CACNB4: variants seen among roughly 807,000 people sequenced by gnomAD.
The protein encoded by CACNB4 is voltage-dependent L-type calcium channel subunit beta-4.
A neutral mutation model predicts 71.2 loss-of-function variants in CACNB4; 32 were observed. The ratio of observed to expected loss-of-function variants is 0.45; its 90% confidence interval spans 0.34 to 0.60. The LOEUF (loss-of-function observed/expected upper bound fraction) is 0.60. Ranked by LOEUF, CACNB4 falls within the 20% of genes least tolerant of loss-of-function variation. The pLI is 0.01. For missense variants in CACNB4, 464 were observed against 647.9 expected (o/e 0.72, Z 3.08); for synonymous variants, 231 against 236.9 (o/e 0.97, Z 0.23).
chr2:151,860,643 C>T (rs2099841403), intron 10 of CACNB4, 68 bp downstream of exon 10: 4 of 1,048,658 alleles, frequency 3.8e-6, no homozygotes, highest in Non-Finnish European at 6.0e-6. Flanking sequence ...AAGACATTCA[C>T]AAATGCACCA....
At position 151,839,245 on chromosome 2, in the gene CACNB4, C is replaced by T. The variant is rs794727118; in HGVS notation, c.1437G>A (p.Gln479=). 19 of 1,613,680 alleles carry T rather than the reference C, an allele frequency of 1.2e-5. No individual in the cohort carries two copies. Among genetic ancestry groups the T allele is most frequent in the Non-Finnish European group, 1.4e-5 (16 of 1,179,764 alleles). ...KSRNRLSSSS[Q]HSRDHYPLVE... ...CAAGAGGGTAATGATCTCGGCTATG[C>T]TGAGAACTGGAAGACAAGCGGTTCC... Residue 479 remains glutamine, a synonymous_variant, in exon 14 of 14, where the codon CAG becomes CAA. Coordinates refer to ENST00000539935, the MANE Select transcript of CACNB4 (RefSeq NM_000726.5).
At chr2:151,970,904 C>T (rs1002994929) in intron 2 of CACNB4, 1 of 150,902 alleles carries the variant, frequency 6.6e-6, no homozygotes, top group African/African-American at 2.5e-5. Flanking sequence ...GACACCAAAG[C>T]AGAAGTTAAT....
chr2:151,972,573 G>A (rs560666976), intron 2 of CACNB4: 1 of 152,324 alleles, frequency 6.6e-6, no homozygotes, highest in East Asian at 1.9e-4. Context: ...GTTAGAGTTA[G>A]AGAAAACACA....
At chr2:152,059,943 T>G (rs1685922511) in intron 2 of CACNB4, among the ~76,000 whole-genome samples, 1 of 152,196 alleles carries the variant, frequency 6.6e-6, no homozygotes, top group Non-Finnish European at 1.5e-5. Context: ...GATGGTTTTA[T>G]AAGGGGCTCT....
intron 2 of CACNB4, among the ~76,000 whole-genome samples, chr2:151,915,153 T>G (rs2099857135): frequency 6.6e-6 from 1 of 152,114 alleles, no homozygotes; most frequent in Non-Finnish European, 1.5e-5. Flanking sequence ...GACATCCAGA[T>G]TCTGTCCCTA....
At chr2:151,876,636 A>C (rs1322191863) in intron 4 of CACNB4, 80 bp from the exon 5 acceptor site, 9 of 792,450 alleles carry the variant, frequency 1.1e-5, no homozygotes, top group Non-Finnish European at 1.7e-5. Flanking sequence ...GGACAAGAAG[A>C]ATAAAATGCT....
chr2:151,874,336 T>G (rs1342320055), intron 5 of CACNB4, among the ~76,000 whole-genome samples: 2 of 151,754 alleles, frequency 1.3e-5, no homozygotes, highest in East Asian at 3.9e-4. Context: ...GGCACGATGG[T>G]GCGTGCCTGT....
chr2:151,873,628 C>G (rs2099845172), intron 5 of CACNB4: 1 of 152,016 alleles, frequency 6.6e-6, no homozygotes, highest in Admixed American at 6.6e-5. Context: ...AAAGGGGTCA[C>G]TGAAAGGGTG....
chr2:151,882,247 G>C (rs1266081401), intron 3 of CACNB4, among the ~76,000 whole-genome samples: 1 of 138,614 alleles, frequency 7.2e-6, no homozygotes, highest in East Asian at 2.2e-4. Flanking sequence ...GGAGTGCACT[G>C]GTGTGATCTC....
chr2:152,037,723 A>G (rs1379496601), intron 2 of CACNB4, among the ~76,000 whole-genome samples: 1 of 152,190 alleles, frequency 6.6e-6, no homozygotes, highest in Admixed American at 6.5e-5. Context: ...GGAGGGAGAG[A>G]AAGAAATGCT....
intron 2 of CACNB4, among the ~76,000 whole-genome samples, chr2:152,049,153 TTCTC>T (rs1431045223): frequency 7.9e-5 from 12 of 151,846 alleles, no homozygotes; most frequent in South Asian, 2.1e-4. Context: ...CCCATTTGCA[TTCTC>T]TCTTTTTTTT....
intron 2 of CACNB4, chr2:151,971,408 C>T (rs2099872515): frequency 1.5e-6 from 1 of 651,980 alleles, no homozygotes; most frequent in Non-Finnish European, 2.8e-6. Context: ...CCACCCCCAA[C>T]CGAAGTGCCG....
At chr2:151,876,893 A>G (rs947622590) in intron 4 of CACNB4, among the ~76,000 whole-genome samples, 9 of 124,422 alleles carry the variant, frequency 7.2e-5, no homozygotes, top group Non-Finnish European at 1.6e-4. Context: ...TACATTTTAT[A>G]TAAACTATAT....
At chr2:151,953,587 A>T (rs777127170) in intron 2 of CACNB4, among the ~76,000 whole-genome samples, 2 of 152,224 alleles carry the variant, frequency 1.3e-5, no homozygotes, top group Non-Finnish European at 2.9e-5. Flanking sequence ...TGTGGAGCAC[A>T]ATTGTCCAAA....
At position 151,952,827 on chromosome 2, in the gene CACNB4, T is replaced by G. The variant is rs141605730; in HGVS notation, c.148-69457A>C. The stretch of plus-strand genomic sequence containing the variant: ...TCTGGCACCGTTACTCAAAAACATT[T>G]GAAACACTTATATTCCTGGGAAGAG... On this transcript the variant is annotated intron_variant, in intron 2 of 13. Transcript: ENST00000539935. 3.5e-3 allele frequency among the ~76,000 whole-genome samples: 531 copies of G among 152,290 alleles called. 5 individuals are homozygous for G. The highest frequency in any genetic ancestry group is 0.012 in the African/African-American group (511 of 41,562).
intron 2 of CACNB4, among the ~76,000 whole-genome samples, chr2:151,889,141 C>T (rs554608172): frequency 3.9e-5 from 6 of 152,282 alleles, no homozygotes; most frequent in South Asian, 2.1e-4. Context: ...ATTAGATAAA[C>T]GAACGCTAAT....
At chr2:151,951,816 T>C (rs1049613212) in intron 2 of CACNB4, among the ~76,000 whole-genome samples, 1 of 152,218 alleles carries the variant, frequency 6.6e-6, no homozygotes, top group African/African-American at 2.4e-5. Context: ...ACCTCCTTCC[T>C]CTGGTCTTCA....
chr2:152,029,507 A>G (rs3925258), intron 2 of CACNB4, among the ~76,000 whole-genome samples: 4 of 104,742 alleles, frequency 3.8e-5, no homozygotes, highest in Non-Finnish European at 7.2e-5. Flanking sequence ...AAAAAAAAAA[A>G]AAAAGAAAAG....
In CACNB4 at chr2:151,973,910, G is replaced by A. The variant is rs1000591163; in HGVS notation, c.148-90540C>T. 7.9e-6 allele frequency: 11 copies of A among 1,390,342 alleles called. No individual in the cohort carries two copies. In the South Asian group the frequency reaches 1.4e-4, roughly 18 times the overall value. The allele number at this position is 1,390,342 out of a possible 1,614,324, so 86.1% of individuals were successfully genotyped here. The stretch of plus-strand genomic sequence containing the variant: ...TATCCCCAGAGGCAGTCCAGACCTG[G>A]CATTTTATCTGCCTTCCCAATACAG... On this transcript the variant is annotated intron_variant, in intron 2 of 13. Transcript: ENST00000539935.
Sources: gnomAD v4.1 joint callset for allele counts (sites outside exome capture counted in the v4.1 genomes callset) on GRCh38, gnomAD v4.1.1 for gene constraint, MANE v1.5 for transcripts, NCBI Gene and HGNC (gene_info 2026-07-23, HGNC 2026-07-21) for gene names.